Variants in ZFAT observed in about 807,000 individuals in gnomAD.
The protein encoded by ZFAT is zinc finger and AT-hook domain containing, also known as zinc finger protein ZFAT.
ZFAT carries 64 observed loss-of-function variants against 117.7 expected under a neutral mutation model. The observed-to-expected ratio is 0.54, with a 90% CI of 0.44 to 0.67. ZFAT has a LOEUF of 0.67. Ranked by LOEUF, ZFAT falls within the 30% of genes least tolerant of loss-of-function variation. The probability of loss-of-function intolerance (pLI) is 0.00; values close to 1 mark genes in which losing one functional copy is unlikely to be tolerated. For synonymous variants in ZFAT, 679 were observed against 615.0 expected, an observed-to-expected ratio of 1.10 and a Z score of -1.54; for missense variants, 1,433 against 1,584.5, an observed-to-expected ratio of 0.90 and a Z score of 1.62.
intron 3 of ZFAT, 32 bp from the exon 4 acceptor site, chr8:134,610,687 T>C (rs745307574): frequency 1.2e-6 from 2 of 1,606,802 alleles, no homozygotes; most frequent in South Asian, 2.2e-5. Context: ...GCATAAGGTA[T>C]CCTTTTATAT....
intron 3 of ZFAT, among the ~76,000 whole-genome samples, chr8:134,635,399 C>A (rs1830143589): frequency 6.6e-6 from 1 of 152,174 alleles, no homozygotes; most frequent in African/African-American, 2.4e-5. Flanking sequence ...AGGAACCTGA[C>A]AGGAAAAACC....
chr8:134,593,055 T>C (rs1826645780), intron 7 of ZFAT, among the ~76,000 whole-genome samples: 1 of 152,126 alleles, frequency 6.6e-6, no homozygotes, highest in Admixed American at 6.5e-5. Context: ...CTCCTGTCAC[T>C]GTCCTCCTCT....
At chr8:134,652,589 C>T (rs1831313003) in intron 2 of ZFAT, among the ~76,000 whole-genome samples, 1 of 152,136 alleles carries the variant, frequency 6.6e-6, no homozygotes. Flanking sequence ...AGAGCTCCTA[C>T]AAATCAATAA....
At chr8:134,565,303 C>T (rs1160790102) in intron 11 of ZFAT, 30 bp downstream of exon 11, 2 of 1,611,138 alleles carry the variant, frequency 1.2e-6, no homozygotes, top group African/African-American at 2.7e-5. Context: ...TTTGTCTGAA[C>T]ATCTGCCTTC....
At chr8:134,744,295 G>GTTT in the ZFAT span, among the ~76,000 whole-genome samples, 2,444 of 132,074 alleles carry the variant, frequency 0.019, 84 homozygotes, top group African/African-American at 0.066. Flanking sequence ...GAGGCTAAGA[G>GTTT]TTTTTTTTTT....
chr8:134,754,823 G>A, the ZFAT span, among the ~76,000 whole-genome samples: 1 of 152,174 alleles, frequency 6.6e-6, no homozygotes, highest in African/African-American at 2.4e-5. Context: ...GAGAGGTGCT[G>A]AGGGGTGAGA....
At chr8:134,735,082 C>T in the ZFAT span, among the ~76,000 whole-genome samples, 3 of 152,160 alleles carry the variant, frequency 2.0e-5, no homozygotes, top group East Asian at 1.9e-4. Context: ...GTTTGTGTGC[C>T]TTCACAGGCC....
the ZFAT span, among the ~76,000 whole-genome samples, chr8:134,821,853 G>A: frequency 1.3e-5 from 2 of 152,042 alleles, no homozygotes; most frequent in African/African-American, 2.4e-5. Flanking sequence ...ACATTTTTGA[G>A]GCATATGAAA....
intron 15 of ZFAT, among the ~76,000 whole-genome samples, chr8:134,482,322 G>A (rs543725445): frequency 7.9e-5 from 12 of 152,340 alleles, no homozygotes; most frequent in African/African-American, 2.9e-4. Context: ...CAGGAGAGAA[G>A]GCATTTGGGG....
the ZFAT span, among the ~76,000 whole-genome samples, chr8:134,718,348 A>C: frequency 6.6e-6 from 1 of 152,098 alleles, no homozygotes; most frequent in African/African-American, 2.4e-5. Context: ...AATATAAAAC[A>C]TTAGCTGGGT....
At chr8:134,501,270 T>C (rs1285142547) in intron 15 of ZFAT, among the ~76,000 whole-genome samples, 1 of 152,118 alleles carries the variant, frequency 6.6e-6, no homozygotes, top group Non-Finnish European at 1.5e-5. Context: ...CGCAACCAAT[T>C]TGCCCGCCTA....
At chr8:134,726,027 T>A in the ZFAT span, among the ~76,000 whole-genome samples, 1 of 152,310 alleles carries the variant, frequency 6.6e-6, no homozygotes, top group Non-Finnish European at 1.5e-5. Flanking sequence ...TGCCAGGCAC[T>A]GCCTAGGCTC....
chr8:134,682,189 C>T (rs989895237), intron 1 of ZFAT, among the ~76,000 whole-genome samples: 4 of 152,224 alleles, frequency 2.6e-5, no homozygotes, highest in African/African-American at 7.2e-5. Flanking sequence ...CACAACAATC[C>T]TGTGAAATAG....
At chr8:134,579,436 T>C (rs1825560233) in intron 10 of ZFAT, among the ~76,000 whole-genome samples, 1 of 152,146 alleles carries the variant, frequency 6.6e-6, no homozygotes, top group Admixed American at 6.5e-5. Flanking sequence ...GGGAAACCCC[T>C]TATAAAACCA....
chr8:134,712,709 G>T, intron 1 of ZFAT, 136 bp downstream of exon 1: 1 of 695,978 alleles, frequency 1.4e-6, no homozygotes, highest in Non-Finnish European at 2.1e-6. Flanking sequence ...CCCCAGACCC[G>T]GATCCCTCCG....
Position 134,712,951 on chromosome 8 carries a change from A to T in ZFAT, c.-88T>A. The T allele has an allele frequency of 1.4e-6, 2 of 1,382,066 alleles. No homozygotes were observed. Among genetic ancestry groups the T allele is most frequent in the Non-Finnish European group, 9.5e-7 (1 of 1,049,262 alleles). The allele number at this position is 1,382,066 out of a possible 1,614,324, so 85.6% of individuals were successfully genotyped here. On this transcript the variant is annotated 5_prime_UTR_variant, in exon 1 of 16. Transcript: ENST00000377838. ...ACCGAGGGGGCGGGGCGCCCTGCTG[A>T]CGCTTCGCTTTTTATTTTTATTTTT... is the stretch of plus-strand genomic sequence containing the variant.
chr8:134,800,638 T>C, the ZFAT span: 1 of 472,064 alleles, frequency 2.1e-6, no homozygotes, highest in Non-Finnish European at 4.5e-6. Flanking sequence ...TTTACTAAGT[T>C]TGTACGGTTC....
the ZFAT span, among the ~76,000 whole-genome samples, chr8:134,817,140 G>A: frequency 6.6e-6 from 1 of 152,128 alleles, no homozygotes; most frequent in Non-Finnish European, 1.5e-5. Context: ...TTCTGTAGAT[G>A]TGATTAACGA....
At chr8:134,768,947 C>A in the ZFAT span, among the ~76,000 whole-genome samples, 1 of 152,080 alleles carries the variant, frequency 6.6e-6, no homozygotes, top group Admixed American at 6.5e-5. Flanking sequence ...CTGAGGTGGG[C>A]AGATTGCTTG....
Sources: allele counts gnomAD v4.1 joint callset (sites outside exome capture counted in the v4.1 genomes callset), GRCh38; gene constraint gnomAD v4.1.1; transcripts MANE v1.5; gene names NCBI Gene and HGNC (gene_info 2026-07-23, HGNC 2026-07-21).